GALNT1: variants seen among roughly 807,000 people sequenced by gnomAD.
The protein encoded by GALNT1 is polypeptide N-acetylgalactosaminyltransferase 1, also known as GalNAc transferase 1.
GALNT1 carries 17 observed loss-of-function variants against 65.7 expected under a neutral mutation model. The ratio of observed to expected loss-of-function variants is 0.26; its 90% CI spans 0.18 to 0.39. GALNT1 has a LOEUF of 0.39. Among genes scored for constraint, GALNT1 ranks in the 10% least tolerant of loss-of-function variants. The pLI is 1.00. For missense variants in GALNT1, 460 were observed against 672.8 expected (o/e 0.68, Z 3.50); for synonymous variants, 210 against 219.7 (o/e 0.96, Z 0.39).
rs149145012 is a variant in GALNT1, at chr18:35,705,188, A to T, written c.1533+1545A>T. Among the ~76,000 whole-genome samples, 1,189 of 152,270 alleles carry T rather than the reference A, an allele frequency of 7.8e-3. 14 individuals are homozygous for T. The highest frequency in any genetic ancestry group is 0.022 in the Admixed American group (329 of 15,292). ...ATGCTGTTCTCTGAACATACCTTAT[A>T]CTTTCCTAGTTCACATCTAAGATAA... On this transcript the variant is annotated intron_variant, in intron 11 of 11. Transcript: ENST00000269195.
intron 7 of GALNT1, 74 bp downstream of exon 7, chr18:35,689,364 C>G (rs1429292287): frequency 1.2e-6 from 1 of 839,306 alleles, no homozygotes. Context: ...TCATGTATCT[C>G]TACATAAAAA....
chr18:35,669,018 G>A (rs141723085), intron 3 of GALNT1, among the ~76,000 whole-genome samples: 1,980 of 152,292 alleles, frequency 0.013, 45 homozygotes, highest in African/African-American at 0.045. Context: ...GAGGTGGGCG[G>A]ATCATGAGGT....
intron 1 of GALNT1, among the ~76,000 whole-genome samples, chr18:35,586,729 T>C (rs1195779536): frequency 1.3e-5 from 2 of 152,198 alleles, no homozygotes; most frequent in Non-Finnish European, 2.9e-5. Flanking sequence ...AAAAAAGCAT[T>C]TGGAGCTGGG....
At chr18:35,600,575 A>G (rs1485177927) in intron 1 of GALNT1, among the ~76,000 whole-genome samples, 3 of 152,200 alleles carry the variant, frequency 2.0e-5, no homozygotes, top group Non-Finnish European at 2.9e-5. Context: ...GAAATGGTGA[A>G]TATGAGCATC....
At chr18:35,654,466 ATTAC>A (rs796954043) in intron 1 of GALNT1, 90 bp from the exon 2 acceptor site, 8 of 189,608 alleles carry the variant, frequency 4.2e-5, no homozygotes, top group Admixed American at 1.2e-4. Flanking sequence ...AATAATTCAT[ATTAC>A]TTAATGTTTA....
intron 1 of GALNT1, among the ~76,000 whole-genome samples, chr18:35,587,671 A>T (rs926983290): frequency 2.6e-5 from 4 of 152,226 alleles, no homozygotes; most frequent in African/African-American, 9.6e-5. Flanking sequence ...ATATTGAGCC[A>T]GCCTTACATC....
At position 35,587,280 on chromosome 18, in the gene GALNT1, A is replaced by G. The variant is rs145286439; in HGVS notation, c.-104+5418A>G. 2.9e-3 allele frequency among the ~76,000 whole-genome samples: 436 copies of G among 152,324 alleles called. 1 individual carries two copies. Among genetic ancestry groups the G allele is most frequent in the African/African-American group, 9.7e-3 (402 of 41,556 alleles). ...TTCCTTGGGATTTTCTATGCAGACT[A>G]CCATGTTACCTGCAAAGAGGAACAA... On this transcript the variant is annotated intron_variant, in intron 1 of 11. Transcript: ENST00000269195.
intron 1 of GALNT1, among the ~76,000 whole-genome samples, chr18:35,637,990 A>C (rs985796006): frequency 6.6e-6 from 1 of 152,204 alleles, no homozygotes; most frequent in African/African-American, 2.4e-5. Flanking sequence ...TTTATTGAAT[A>C]ATTTAATTCC....
intron 1 of GALNT1, among the ~76,000 whole-genome samples, chr18:35,615,409 A>AT (rs2046771329): frequency 6.6e-6 from 1 of 152,186 alleles, no homozygotes; most frequent in African/African-American, 2.4e-5. Context: ...CTAACACTGT[A>AT]TTAAAAAAAG....
At chr18:35,666,727 A>C (rs2047554129) in intron 3 of GALNT1, among the ~76,000 whole-genome samples, 1 of 152,194 alleles carries the variant, frequency 6.6e-6, no homozygotes, top group Admixed American at 6.5e-5. Context: ...ATAGTGTTGA[A>C]ATGGTGTGAT....
chr18:35,622,555 C>T (rs1287884961), intron 1 of GALNT1, among the ~76,000 whole-genome samples: 5 of 152,170 alleles, frequency 3.3e-5, no homozygotes, highest in Non-Finnish European at 7.3e-5. Context: ...CCTGGCTTAG[C>T]AATTTTCTGG....
chr18:35,644,716 C>G (rs771021195), intron 1 of GALNT1, among the ~76,000 whole-genome samples: 1 of 152,080 alleles, frequency 6.6e-6, no homozygotes, highest in Admixed American at 6.5e-5. Flanking sequence ...CCAGGCCAGG[C>G]GTGGTGACTC....
At chr18:35,680,244 TCCA>T (rs2047767156) in intron 4 of GALNT1, among the ~76,000 whole-genome samples, 1 of 152,162 alleles carries the variant, frequency 6.6e-6, no homozygotes, top group Non-Finnish European at 1.5e-5. Context: ...AACATTTATC[TCCA>T]CCATCTCCCC....
At chr18:35,702,006 G>A (rs773743312) in intron 9 of GALNT1, among the ~76,000 whole-genome samples, 7 of 152,124 alleles carry the variant, frequency 4.6e-5, no homozygotes, top group Non-Finnish European at 8.8e-5. Context: ...TACCCCCCCA[G>A]TTCCTGATCT....
At chr18:35,651,395 T>C (rs1293801402) in intron 1 of GALNT1, among the ~76,000 whole-genome samples, 1 of 152,224 alleles carries the variant, frequency 6.6e-6, no homozygotes, top group African/African-American at 2.4e-5. Flanking sequence ...TTTAAAAGTC[T>C]GATTTTGTAA....
chr18:35,587,674 C>T (rs1159848742), intron 1 of GALNT1, among the ~76,000 whole-genome samples: 1 of 152,166 alleles, frequency 6.6e-6, no homozygotes, highest in Non-Finnish European at 1.5e-5. Context: ...TTGAGCCAGC[C>T]TTACATCCAT....
At chr18:35,682,908 TAAA>T (rs34199709) in intron 4 of GALNT1, among the ~76,000 whole-genome samples, 27 of 118,464 alleles carry the variant, frequency 2.3e-4, no homozygotes, top group South Asian at 3.1e-4. Context: ...GCCCCCTGAT[TAAA>T]AAAAAAAAAA....
intron 11 of GALNT1, among the ~76,000 whole-genome samples, chr18:35,705,476 C>T (rs1378824251): frequency 6.6e-6 from 1 of 152,136 alleles, no homozygotes; most frequent in Non-Finnish European, 1.5e-5. Context: ...AATGATATTA[C>T]CTATAATAAT....
chr18:35,652,761 C>T (rs775108461), intron 1 of GALNT1, among the ~76,000 whole-genome samples: 16 of 152,224 alleles, frequency 1.1e-4, no homozygotes, highest in Admixed American at 2.0e-4. Context: ...TTCTCCCAAA[C>T]ACTCCCTCTT....
Sources: allele counts gnomAD v4.1 joint callset (sites outside exome capture counted in the v4.1 genomes callset), GRCh38; gene constraint gnomAD v4.1.1; transcripts MANE v1.5; gene names NCBI Gene and HGNC (gene_info 2026-07-23, HGNC 2026-07-21).